The following LITAF variants were observed in gnomAD, a reference collection of about 807,000 sequenced individuals.
The protein encoded by LITAF is lipopolysaccharide induced TNF factor.
Under a neutral mutation model 14.5 loss-of-function variants are expected in LITAF, and 9 were observed. The observed-to-expected ratio is 0.62, with a 90% CI of 0.37 to 1.08. The LOEUF (loss-of-function observed/expected upper bound fraction) is 1.08. Ranked by LOEUF, LITAF falls within the 50% of genes least tolerant of loss-of-function variation. LITAF has a pLI of 0.01. For synonymous variants in LITAF, 98 were observed against 88.2 expected, an observed-to-expected ratio of 1.11 and a Z score of -0.62; for missense variants, 206 against 213.4, an observed-to-expected ratio of 0.97 and a Z score of 0.22.
intron 3 of LITAF, among the ~76,000 whole-genome samples, chr16:11,622,205 C>A (rs1393780502): frequency 1.3e-5 from 2 of 152,200 alleles, no homozygotes; most frequent in Non-Finnish European, 2.9e-5. Context: ...GGCGGCATGG[C>A]TTGCTCATGA....
At chr16:11,556,106 A>G (rs1254968855) in intron 2 of LITAF, among the ~76,000 whole-genome samples, 1 of 152,168 alleles carries the variant, frequency 6.6e-6, no homozygotes, top group Non-Finnish European at 1.5e-5. Flanking sequence ...ATGAAAACAC[A>G]ATCACACATT....
intron 3 of LITAF, among the ~76,000 whole-genome samples, chr16:11,551,137 G>A (rs749277465): frequency 6.6e-6 from 1 of 152,156 alleles, no homozygotes; most frequent in Non-Finnish European, 1.5e-5. Context: ...ACCCTTCACA[G>A]GAAGACGCTG....
chr16:11,620,457 G>A (rs1225226987), intron 3 of LITAF, among the ~76,000 whole-genome samples: 2 of 152,092 alleles, frequency 1.3e-5, no homozygotes, highest in Non-Finnish European at 2.9e-5. Flanking sequence ...GGCCTCCCCA[G>A]AAGCTGAACA....
At chr16:11,595,288 C>T (rs527802546) in intron 1 of LITAF, among the ~76,000 whole-genome samples, 15 of 152,240 alleles carry the variant, frequency 9.9e-5, no homozygotes, top group Non-Finnish European at 1.8e-4. Context: ...CCTGAGGTTA[C>T]ACCCCCAACC....
chr16:11,587,510 C>A (rs973269092), upstream of LITAF: 4 of 452,094 alleles, frequency 8.8e-6, no homozygotes, highest in African/African-American at 6.0e-5. Flanking sequence ...CAATAGCGGT[C>A]CTGTCTCCTA....
chr16:11,626,789 C>T (rs1030804851), intron 3 of LITAF, among the ~76,000 whole-genome samples: 2 of 152,156 alleles, frequency 1.3e-5, no homozygotes, highest in Non-Finnish European at 2.9e-5. Context: ...ACATTTCAAG[C>T]TCTACTAGGT....
chr16:11,619,600 T>C (rs369225307), intron 3 of LITAF, among the ~76,000 whole-genome samples: 4 of 151,818 alleles, frequency 2.6e-5, no homozygotes, highest in East Asian at 3.9e-4. Flanking sequence ...ACAGTCTCAG[T>C]CTATTGACCA....
At position 11,612,743 on chromosome 16, in the gene LITAF, G is replaced by A. The variant is rs2064990369; in HGVS notation, c.85+20790C>T. Among the ~76,000 whole-genome samples the A allele has an allele frequency of 2.0e-5, 3 of 152,200 alleles. No individual in the cohort carries two copies. In the South Asian group the frequency reaches 6.2e-4, roughly 31 times the overall value. On this transcript the variant is annotated intron_variant, in intron 3 of 3. Transcript: ENST00000574848. Reference sequence around the variant, plus strand: ...CTGTTTGTCCACGTCCTTGAGAAGGGCGGAGGGACGAGGACAGACTGAAAA... The same window carrying A: ...CTGTTTGTCCACGTCCTTGAGAAGGACGGAGGGACGAGGACAGACTGAAAA...
intron 3 of LITAF, among the ~76,000 whole-genome samples, chr16:11,623,801 T>C (rs35584672): frequency 0.27 from 40,808 of 151,628 alleles, 7,294 homozygotes; most frequent in African/African-American, 0.5. Context: ...ACCCCGTCTC[T>C]ACTAAAAATA....
intron 3 of LITAF, among the ~76,000 whole-genome samples, chr16:11,616,768 C>T (rs967872268): frequency 5.3e-5 from 8 of 151,944 alleles, no homozygotes; most frequent in African/African-American, 1.9e-4. Context: ...AAAAATTTAC[C>T]GGGCATAGTG....
chr16:11,598,123 C>G (rs1488020301), intron 1 of LITAF, among the ~76,000 whole-genome samples: 1 of 152,056 alleles, frequency 6.6e-6, no homozygotes, highest in Non-Finnish European at 1.5e-5. Context: ...TAAACTTAAT[C>G]CTAGGCTCAA....
At chr16:11,638,150 A>G (rs949311179), upstream of LITAF, among the ~76,000 whole-genome samples, 1 of 149,328 alleles carries the variant, frequency 6.7e-6, no homozygotes, top group South Asian at 2.1e-4. Context: ...AGATATGATT[A>G]GCCCAGCTCT....
At chr16:11,626,133 T>G (rs1301921508) in intron 3 of LITAF, among the ~76,000 whole-genome samples, 1 of 151,960 alleles carries the variant, frequency 6.6e-6, no homozygotes, top group Admixed American at 6.6e-5. Flanking sequence ...TTAGTTCCCC[T>G]ATGTTTGTGA....
In LITAF at chr16:11,556,420, G is replaced by A. The variant is rs1010804279; in HGVS notation, c.220+91C>T. ...CTGGAACGTACTGGCACTTCACTTA[G>A]ACTCTTTGGCAGAGTCACTTCGGTC... On this transcript the variant is annotated intron_variant, in intron 2 of 3. Coordinates refer to ENST00000622633, the MANE Select transcript of LITAF (RefSeq NM_001136472.2). 4.4e-6 allele frequency: 5 copies of A among 1,132,196 alleles called. No individual in the cohort carries two copies. In the Admixed American group the frequency reaches 9.2e-5, roughly 21 times the overall value. 70.1% of individuals were successfully genotyped at this position (1,132,196 alleles called of 1,614,324 possible). A position where few individuals can be genotyped will look rare whatever the true frequency, so the allele number is the denominator to read the frequency against.
intron 1 of LITAF, among the ~76,000 whole-genome samples, chr16:11,572,466 G>A (rs985652885): frequency 2.7e-5 from 4 of 149,094 alleles, no homozygotes; most frequent in Non-Finnish European, 4.4e-5. Flanking sequence ...ACACACCAGC[G>A]AGAAGTCACA....
Position 11,553,129 on chromosome 16 carries a change from A to G in LITAF, c.377+404T>C, listed in dbSNP as rs2064206968. 6.6e-6 allele frequency among the ~76,000 whole-genome samples: 1 copy of G among 150,670 alleles called. No individual in the cohort carries two copies. The highest frequency in any genetic ancestry group is 2.4e-5 in the African/African-American group (1 of 40,860). ...GAATCCATCACAAAAAAAGAAAGAA[A>G]TGCCTTAGGCCAGGCACAGTGGCTC... On this transcript the variant is annotated intron_variant, in intron 3 of 3. Transcript: ENST00000622633. This position sits in a 1 kb window ranked among gnomAD's most constrained non-coding sequence, Gnocchi z 7.7.
chr16:11,589,032 T>C (rs183828828), upstream of LITAF, among the ~76,000 whole-genome samples: 1 of 152,292 alleles, frequency 6.6e-6, no homozygotes, highest in African/African-American at 2.4e-5. Flanking sequence ...GCCAGCTTTG[T>C]GTTTTTATCC....
chr16:11,554,562 G>A (rs950650839), intron 2 of LITAF, among the ~76,000 whole-genome samples: 1 of 152,110 alleles, frequency 6.6e-6, no homozygotes, highest in South Asian at 2.1e-4. Context: ...GGAGGCCGAG[G>A]TGCGTGGATC....
At chr16:11,602,052 C>T (rs1328428100), upstream of LITAF, among the ~76,000 whole-genome samples, 1 of 152,192 alleles carries the variant, frequency 6.6e-6, no homozygotes, top group African/African-American at 2.4e-5. Context: ...AGAAAAACCA[C>T]TCAATAAGAT....
Sources: gnomAD v4.1 joint callset for allele counts (sites outside exome capture counted in the v4.1 genomes callset) on GRCh38, gnomAD v4.1.1 for gene constraint, Gnocchi (gnomAD v3.1) non-coding constraint, MANE v1.5 for transcripts, NCBI Gene and HGNC (gene_info 2026-07-23, HGNC 2026-07-21) for gene names.